HEATR6: variants seen among roughly 807,000 people sequenced by gnomAD.
HEATR6 encodes HEAT repeat containing 6, also known as HEAT repeat-containing protein 6.
A neutral mutation model predicts 132.8 loss-of-function variants in HEATR6; 106 were observed. The ratio of observed to expected loss-of-function variants is 0.80; its 90% confidence interval spans 0.68 to 0.94. The LOEUF (loss-of-function observed/expected upper bound fraction) is 0.94. Ranked by LOEUF, HEATR6 falls within the 40% of genes least tolerant of loss-of-function variation. The pLI is 0.00. For missense variants in HEATR6, 1,339 were observed against 1,425.1 expected (o/e 0.94, Z 0.97); for synonymous variants, 529 against 537.8 (o/e 0.98, Z 0.23).
Position 60,044,137 on chromosome 17 carries a change from A to C in HEATR6, c.2975-3T>G. 6.3e-7 allele frequency: 1 copy of C among 1,597,910 alleles called. No homozygotes were observed. The highest frequency in any genetic ancestry group is 8.5e-7 in the Non-Finnish European group (1 of 1,172,246). On this transcript the variant is annotated splice_polypyrimidine_tract_variant and splice_region_variant and intron_variant, in intron 19 of 19. Transcript: ENST00000184956. The stretch of plus-strand genomic sequence containing the variant: ...CTGGGAGGTCCATGGGGCTGTCCCT[A>C]GAAAGAATCCACAGTCACTAAAACA...
At chr17:60,065,527 T>C (rs1418838387) in intron 9 of HEATR6, among the ~76,000 whole-genome samples, 2 of 152,364 alleles carry the variant, frequency 1.3e-5, no homozygotes, top group Non-Finnish European at 2.9e-5. Context: ...CTATTTTCCT[T>C]ACTTGGTTAA....
intron 8 of HEATR6, among the ~76,000 whole-genome samples, chr17:60,067,225 C>G (rs1294229491): frequency 3.4e-5 from 5 of 147,792 alleles, no homozygotes; most frequent in Admixed American, 6.7e-5. Context: ...AGCCGAGATC[C>G]CGCCACTGCA....
At chr17:60,067,833 A>C in intron 7 of HEATR6, 101 bp from the exon 8 acceptor site, 2 of 919,680 alleles carry the variant, frequency 2.2e-6, no homozygotes, top group Non-Finnish European at 3.2e-6. Flanking sequence ...ATATGTCCCC[A>C]ACATGTAGTT....
chr17:60,063,473 G>A (rs1464442021), intron 9 of HEATR6: 2 of 152,170 alleles, frequency 1.3e-5, no homozygotes, highest in Non-Finnish European at 2.9e-5. Flanking sequence ...TTTTGGAAGT[G>A]TATAAGATGT....
chr17:60,044,952 T>G (rs1906313550), intron 19 of HEATR6, among the ~76,000 whole-genome samples: 1 of 152,252 alleles, frequency 6.6e-6, no homozygotes, highest in Non-Finnish European at 1.5e-5. Context: ...CCTTTTCTTA[T>G]GTGGCTCTTG....
chr17:60,049,455 C>G (rs1906508859), intron 16 of HEATR6, 125 bp downstream of exon 16: 3 of 1,084,328 alleles, frequency 2.8e-6, no homozygotes, highest in Non-Finnish European at 4.0e-6. Flanking sequence ...GTAGCAATTA[C>G]AGATATCAGA....
At chr17:60,070,612 A>G in intron 6 of HEATR6, 94 bp downstream of exon 6, 1 of 571,820 alleles carries the variant, frequency 1.7e-6, no homozygotes, top group Non-Finnish European at 3.1e-6. Flanking sequence ...AACTTTTAAT[A>G]CCTCAAAGTT....
chr17:60,073,892 A>G lies in HEATR6; in HGVS notation c.328-6T>C. 1.2e-6 allele frequency: 2 copies of G among 1,612,540 alleles called. No homozygotes were observed. Among genetic ancestry groups the G allele is most frequent in the South Asian group, 2.2e-5 (2 of 90,710 alleles). On this transcript the variant is annotated splice_region_variant and splice_polypyrimidine_tract_variant and intron_variant, in intron 2 of 19. Transcript: ENST00000184956. ...TGCTGTTCATCAACAATTACCTAAC[A>G]GGACAGGAAAAGATATATTCTGATC...
At chr17:60,069,015 T>C (rs2083256469) in intron 7 of HEATR6, among the ~76,000 whole-genome samples, 2 of 152,232 alleles carry the variant, frequency 1.3e-5, no homozygotes, top group South Asian at 4.1e-4. Flanking sequence ...AGTGAGTGAA[T>C]GAGTGAAATA....
intron 12 of HEATR6, 65 bp downstream of exon 12, chr17:60,056,983 T>G: frequency 7.8e-7 from 1 of 1,286,786 alleles, no homozygotes; most frequent in Non-Finnish European, 1.1e-6. Flanking sequence ...TGCTCGCTCC[T>G]CACAGTCACT....
chr17:60,067,269 CA>C (rs11339664), intron 8 of HEATR6, among the ~76,000 whole-genome samples, 164 bp downstream of exon 8: 15,258 of 61,128 alleles, frequency 0.25, 1,254 homozygotes, highest in African/African-American at 0.45. Flanking sequence ...GACTCCGTCT[CA>C]AAAAAAAAAA....
Position 60,043,394 on chromosome 17 carries a change from A to G in HEATR6, c.*169T>C. The G allele has an allele frequency of 1.6e-6, 1 of 623,576 alleles. No homozygotes were observed. Among genetic ancestry groups the G allele is most frequent in the Non-Finnish European group, 2.8e-6 (1 of 357,848 alleles). The allele number at this position is 623,576 out of a possible 1,614,324, so 38.6% of individuals were successfully genotyped here. A position where few individuals can be genotyped will look rare whatever the true frequency, so the allele number is the denominator to read the frequency against. On this transcript the variant is annotated 3_prime_UTR_variant, in exon 20 of 20. Transcript: ENST00000184956. ...TGACCATGGCCAGTGCTATGGAGTCACTCCAAAGGTGGTTGAGCCCTCTGT... is the reference window on the plus strand; with the variant it reads ...TGACCATGGCCAGTGCTATGGAGTCGCTCCAAAGGTGGTTGAGCCCTCTGT...
rs1315612863 is a variant in HEATR6, at chr17:60,042,416, CTGT to C, written c.*1144_*1146del. On this transcript the variant is annotated 3_prime_UTR_variant, in exon 20 of 20. Transcript: ENST00000184956. ...TCGCGTCCTGTGCGGCTGTGAGGCA[CTGT>C]CAGCATCCTCGCGTCCTGTGCGGCT... Among the ~76,000 whole-genome samples, 78 of 129,080 alleles carry C rather than the reference CTGT, an allele frequency of 6.0e-4. 2 individuals carry two copies. Among genetic ancestry groups the C allele is most frequent in the Middle Eastern group, 4.2e-3 (1 of 236 alleles). The allele number at this position is 129,080 out of a possible 152,430, so 84.7% of individuals were successfully genotyped here.
At position 60,067,472 on chromosome 17, in the gene HEATR6, G is replaced by T; in HGVS notation, c.1200C>A (p.Asp400Glu). 1 of 1,575,770 alleles carries T rather than the reference G, an allele frequency of 6.3e-7. No homozygotes were observed. The highest frequency in any genetic ancestry group is 8.6e-7 in the Non-Finnish European group (1 of 1,165,458). ...GCATGCCTCCTTCAGCATCAGAAAAGTCTGACTCACTACTGCTGACCCTTT... is the reference window on the plus strand; with the variant it reads ...GCATGCCTCCTTCAGCATCAGAAAATTCTGACTCACTACTGCTGACCCTTT... ...SWKRVSSSES[D>E]FSDAEGGMQS... The change falls in exon 8 of 20, where the codon GAC becomes GAA. Residue 400 changes from aspartate (D) to glutamate (E), a missense_variant. Asp to Glu is a conservative substitution (Grantham distance 45). Transcript: ENST00000184956.
At chr17:60,061,494 G>T (rs2083210878) in intron 9 of HEATR6, among the ~76,000 whole-genome samples, 1 of 152,214 alleles carries the variant, frequency 6.6e-6, no homozygotes, top group Non-Finnish European at 1.5e-5. Flanking sequence ...TAGATCAGGG[G>T]CTGGCAAACT....
At chr17:60,073,097 T>C (rs1450232033) in intron 4 of HEATR6, 67 bp downstream of exon 4, 2 of 862,262 alleles carry the variant, frequency 2.3e-6, no homozygotes, top group Non-Finnish European at 3.9e-6. Flanking sequence ...CACAGGGAAC[T>C]ACCTACAAAG....
chr17:60,042,113 C>T lies in HEATR6; in HGVS notation c.*1450G>A, dbSNP rs1906188986. On this transcript the variant is annotated 3_prime_UTR_variant, in exon 20 of 20. Coordinates refer to ENST00000184956, the MANE Select transcript of HEATR6 (RefSeq NM_022070.5). The stretch of plus-strand genomic sequence containing the variant: ...ACCAAATGATCTTTTCTTAAAGGCA[C>T]AAATTAAAAGGTGGCAAAACAACCA... 6.6e-6 allele frequency among the ~76,000 whole-genome samples: 1 copy of T among 152,166 alleles called. No homozygotes were observed. The highest frequency in any genetic ancestry group is 1.5e-5 in the Non-Finnish European group (1 of 68,028).
At chr17:60,057,532 C>A (rs886453060) in intron 11 of HEATR6, 129 bp from the exon 12 acceptor site, 1 of 611,106 alleles carries the variant, frequency 1.6e-6, no homozygotes, top group South Asian at 2.2e-5. Context: ...TTCTAGACCT[C>A]ATTTCCAGTT....
intron 3 of HEATR6, 77 bp from the exon 4 acceptor site, chr17:60,073,356 T>C: frequency 2.3e-6 from 2 of 879,686 alleles, no homozygotes; most frequent in Non-Finnish European, 1.8e-6. Context: ...ATTTCTTCTT[T>C]CTTTTTTTAA....
Sources: allele counts gnomAD v4.1 joint callset (sites outside exome capture counted in the v4.1 genomes callset), GRCh38; gene constraint gnomAD v4.1.1; transcripts MANE v1.5; gene names NCBI Gene and HGNC (gene_info 2026-07-23, HGNC 2026-07-21).